The following GALNT17 variants were observed in gnomAD, a reference collection of about 807,000 sequenced individuals.
The protein encoded by GALNT17 is UDP-GalNAc:polypeptide N-acetylgalactosaminyltransferase-like 3.
In GALNT17, 29 loss-of-function variants were observed where a neutral mutation model predicts 63.7. The ratio of observed to expected loss-of-function variants is 0.46; its 90% CI spans 0.34 to 0.62. The LOEUF (loss-of-function observed/expected upper bound fraction) is 0.62, where lower values mean the gene tolerates loss of function less well. GALNT17 is among the 20% of genes least tolerant of loss of function. The probability of loss-of-function intolerance (pLI) is 0.01; values close to 1 mark genes in which losing one functional copy is unlikely to be tolerated. For missense variants in GALNT17, 603 were observed against 799.6 expected (o/e 0.75, Z 2.97); for synonymous variants, 305 against 318.3 (o/e 0.96, Z 0.45).
chr7:71,548,651 G>T (rs981121214), intron 5 of GALNT17, among the ~76,000 whole-genome samples: 1 of 152,154 alleles, frequency 6.6e-6, no homozygotes, highest in Admixed American at 6.5e-5. Flanking sequence ...CTTCTGCCAC[G>T]ATCGTGAGGC....
chr7:71,490,873 C>T lies in GALNT17; in HGVS notation c.962+69768C>T, dbSNP rs561868652. On this transcript the variant is annotated intron_variant, in intron 5 of 10. Coordinates refer to ENST00000333538, the MANE Select transcript of GALNT17 (RefSeq NM_022479.3). ...TATGATCGCACCACTGCACTCCAGC[C>T]TAGGTAGCAGACCCTGTCTCTTTAA... is the stretch of plus-strand genomic sequence containing the variant. Among the ~76,000 whole-genome samples, 5 of 152,196 alleles carry T rather than the reference C, an allele frequency of 3.3e-5. No homozygotes were observed. In the South Asian group the frequency reaches 6.2e-4, roughly 19 times the overall value.
intron 6 of GALNT17, among the ~76,000 whole-genome samples, chr7:71,616,080 A>G (rs1378244774): frequency 2.6e-5 from 4 of 151,514 alleles, no homozygotes; most frequent in Admixed American, 6.6e-5. Flanking sequence ...ATGTGCCTAT[A>G]GACGAGCTCC....
At chr7:71,282,050 C>T (rs1192706309) in intron 1 of GALNT17, among the ~76,000 whole-genome samples, 4 of 152,188 alleles carry the variant, frequency 2.6e-5, no homozygotes, top group Admixed American at 6.5e-5. Context: ...TCAATGACAA[C>T]GCCACCCCCT....
At chr7:71,651,390 C>T (rs1162531099) in intron 6 of GALNT17, among the ~76,000 whole-genome samples, 1 of 151,428 alleles carries the variant, frequency 6.6e-6, no homozygotes, top group African/African-American at 2.4e-5. Flanking sequence ...GCAACCTCTG[C>T]CTCCCAGGTT....
chr7:71,586,868 T>C (rs1361431126), intron 6 of GALNT17, among the ~76,000 whole-genome samples: 1 of 152,140 alleles, frequency 6.6e-6, no homozygotes, highest in Non-Finnish European at 1.5e-5. Context: ...TCTAAAAACA[T>C]TCATTCTCTT....
chr7:71,453,927 G>A (rs764508058), intron 5 of GALNT17, among the ~76,000 whole-genome samples: 6 of 152,042 alleles, frequency 3.9e-5, no homozygotes, highest in South Asian at 2.1e-4. Context: ...GGCTTTCCAC[G>A]TCTTTCTTCC....
intron 1 of GALNT17, among the ~76,000 whole-genome samples, chr7:71,188,263 C>G (rs1222025050): frequency 6.6e-6 from 1 of 152,182 alleles, no homozygotes; most frequent in Non-Finnish European, 1.5e-5. Flanking sequence ...ATTGCTGGAT[C>G]AAATGGCAGT....
At chr7:71,277,948 G>T (rs1790711326) in intron 1 of GALNT17, among the ~76,000 whole-genome samples, 1 of 152,168 alleles carries the variant, frequency 6.6e-6, no homozygotes, top group South Asian at 2.1e-4. Flanking sequence ...TTTAATCTGT[G>T]AGCATAGCTT....
chr7:71,536,892 T>C (rs1788810973), intron 5 of GALNT17, among the ~76,000 whole-genome samples: 1 of 152,174 alleles, frequency 6.6e-6, no homozygotes, highest in South Asian at 2.1e-4. Flanking sequence ...TGATGCCACA[T>C]AGTTAACCCT....
intron 1 of GALNT17, among the ~76,000 whole-genome samples, chr7:71,201,180 G>T (rs552850869): frequency 6.8e-6 from 1 of 146,632 alleles, no homozygotes; most frequent in African/African-American, 2.5e-5. Flanking sequence ...TTATGTGTTC[G>T]TGTATGTGCA....
At chr7:71,355,765 T>C (rs1792273270) in intron 2 of GALNT17, among the ~76,000 whole-genome samples, 2 of 152,114 alleles carry the variant, frequency 1.3e-5, no homozygotes, top group Non-Finnish European at 2.9e-5. Context: ...ACTCATGGGC[T>C]CAAGGGATTC....
intron 5 of GALNT17, among the ~76,000 whole-genome samples, chr7:71,459,124 AAATTT>A (rs1216178604): frequency 6.6e-6 from 1 of 152,214 alleles, no homozygotes; most frequent in African/African-American, 2.4e-5. Flanking sequence ...TCGGCAAATT[AAATTT>A]AACAGAGTCT....
chr7:71,585,405 A>T (rs2116906946), intron 6 of GALNT17, among the ~76,000 whole-genome samples: 1 of 152,332 alleles, frequency 6.6e-6, no homozygotes, highest in South Asian at 2.1e-4. Context: ...TTTAGACTCT[A>T]CACTCATTCT....
At chr7:71,452,855 T>C (rs140771564) in intron 5 of GALNT17, among the ~76,000 whole-genome samples, 1 of 152,196 alleles carries the variant, frequency 6.6e-6, no homozygotes, top group Non-Finnish European at 1.5e-5. Flanking sequence ...TGGCCAGTTA[T>C]GTAAAGTATA....
chr7:71,349,021 A>G (rs1186190350), intron 2 of GALNT17, among the ~76,000 whole-genome samples: 1 of 152,224 alleles, frequency 6.6e-6, no homozygotes, highest in Non-Finnish European at 1.5e-5. Context: ...CAGTTTGCCA[A>G]ATTATACTCC....
In GALNT17 at chr7:71,669,928, A is replaced by T. The variant is rs765525376; in HGVS notation, c.1267-44A>T. On this transcript the variant is annotated intron_variant, in intron 7 of 10. Coordinates refer to ENST00000333538, the MANE Select transcript of GALNT17 (RefSeq NM_022479.3). ...TCCACCTGTGCCCCACTCTGGCCAG[A>T]GCTCCACAGTCACTAACACCCCTTG... The T allele has an allele frequency of 5.0e-6, 8 of 1,609,444 alleles. No homozygotes were observed. In the Admixed American group the frequency reaches 1.2e-4, roughly 24 times the overall value.
Position 71,265,116 on chromosome 7 carries a change from ATATTTTTTTTTTTT to A in GALNT17, c.239-70432_239-70419del, listed in dbSNP as rs1399488288. On this transcript the variant is annotated intron_variant, in intron 1 of 10. Coordinates refer to ENST00000333538, the MANE Select transcript of GALNT17 (RefSeq NM_022479.3). ...ATAAATATTATATATATATATATAT[ATATTTTTTTTTTTT>A]TTTTTTTTTTTTTTGAGATGGAGTC... Among the ~76,000 whole-genome samples, 56 of 59,026 alleles carry A rather than the reference ATATTTTTTTTTTTT, an allele frequency of 9.5e-4. 1 individual carries two copies. Among genetic ancestry groups the A allele is most frequent in the Middle Eastern group, 7.2e-3 (1 of 138 alleles). The allele number at this position is 59,026 out of a possible 152,430, so 38.7% of individuals were successfully genotyped here.
intron 9 of GALNT17, among the ~76,000 whole-genome samples, chr7:71,688,506 T>C (rs1249059413): frequency 6.6e-6 from 1 of 151,764 alleles, no homozygotes; most frequent in Non-Finnish European, 1.5e-5. Context: ...TGCTTCTCTT[T>C]TCTATTTCCA....
chr7:71,303,862 C>T (rs1791242866), intron 1 of GALNT17, among the ~76,000 whole-genome samples: 1 of 152,154 alleles, frequency 6.6e-6, no homozygotes, highest in Admixed American at 6.6e-5. Flanking sequence ...GCATTTTTCT[C>T]TGCAGGATCC....
Sources: allele counts gnomAD v4.1 joint callset (sites outside exome capture counted in the v4.1 genomes callset), GRCh38; gene constraint gnomAD v4.1.1; transcripts MANE v1.5; gene names NCBI Gene and HGNC (gene_info 2026-07-23, HGNC 2026-07-21).